The following KIF1B variants were observed in gnomAD, a reference collection of about 807,000 sequenced individuals.
KIF1B encodes kinesin-like protein KIF1B.
Under a neutral mutation model 241.9 loss-of-function variants are expected in KIF1B, and 76 were observed. That is an observed-to-expected ratio of 0.31 (90% CI 0.26 to 0.38). The LOEUF is 0.38. Ranked by LOEUF, KIF1B falls within the 10% of genes least tolerant of loss-of-function variation. The pLI is 1.00. For missense variants in KIF1B, 1,622 were observed against 2,271.4 expected (o/e 0.71, Z 5.81); for synonymous variants, 750 against 796.7 (o/e 0.94, Z 0.99).
intron 28 of KIF1B, among the ~76,000 whole-genome samples, chr1:10,335,141 T>A (rs763904551): frequency 1.3e-5 from 2 of 152,182 alleles, no homozygotes; most frequent in Non-Finnish European, 2.9e-5. Context: ...GGGGTCTCAT[T>A]ATGCTGCCCA....
intron 22 of KIF1B, among the ~76,000 whole-genome samples, chr1:10,309,023 G>C (rs1650955631): frequency 6.6e-6 from 1 of 152,258 alleles, no homozygotes; most frequent in South Asian, 2.1e-4. Flanking sequence ...TGACTCTGCA[G>C]GTTTTCTTTC....
At chr1:10,371,491 T>C (rs1638732894) in intron 45 of KIF1B, among the ~76,000 whole-genome samples, 1 of 152,214 alleles carries the variant, frequency 6.6e-6, no homozygotes, top group Non-Finnish European at 1.5e-5. Context: ...ATCATGACTG[T>C]CTTCTTCATC....
chr1:10,372,011 C>A (rs1638746883), intron 45 of KIF1B, among the ~76,000 whole-genome samples: 1 of 152,088 alleles, frequency 6.6e-6, no homozygotes, highest in Non-Finnish European at 1.5e-5. Flanking sequence ...TGCAACACAC[C>A]CTCTTGTGCA....
chr1:10,369,985 G>A (rs142896398), intron 44 of KIF1B, among the ~76,000 whole-genome samples: 2,633 of 151,858 alleles, frequency 0.017, 85 homozygotes, highest in African/African-American at 0.06. Flanking sequence ...CAGGCATGGC[G>A]GCTCATGCCT....
chr1:10,227,460 A>G (rs1417440382), intron 1 of KIF1B, among the ~76,000 whole-genome samples: 5 of 152,182 alleles, frequency 3.3e-5, no homozygotes, highest in Non-Finnish European at 1.5e-5. Context: ...TGTGTCATCT[A>G]AGTTGCTTCT....
intron 2 of KIF1B, among the ~76,000 whole-genome samples, chr1:10,250,034 C>T (rs936302896): frequency 9.2e-5 from 14 of 151,990 alleles, no homozygotes; most frequent in South Asian, 2.1e-4. Context: ...TAGTCTCGAA[C>T]GCGTAGGCTC....
chr1:10,320,557 T>G (rs1199692865), intron 23 of KIF1B, among the ~76,000 whole-genome samples: 2 of 152,218 alleles, frequency 1.3e-5, no homozygotes, highest in African/African-American at 4.8e-5. Flanking sequence ...ATCTTAGGTT[T>G]TCCAGCATTT....
At chr1:10,345,203 G>A (rs1318829333) in intron 34 of KIF1B, among the ~76,000 whole-genome samples, 1 of 152,164 alleles carries the variant, frequency 6.6e-6, no homozygotes, top group Admixed American at 6.5e-5. Flanking sequence ...GAAAATGTGT[G>A]ACATAAGATC....
intron 14 of KIF1B, among the ~76,000 whole-genome samples, chr1:10,282,013 G>A (rs1569693026): frequency 6.6e-6 from 1 of 152,328 alleles, no homozygotes; most frequent in East Asian, 1.9e-4. Context: ...TAGGGAGAGT[G>A]CCTAAGCAGT....
intron 27 of KIF1B, among the ~76,000 whole-genome samples, chr1:10,327,385 C>G (rs1651763941): frequency 6.6e-6 from 1 of 151,752 alleles, no homozygotes; most frequent in Non-Finnish European, 1.5e-5. Flanking sequence ...CCTGTAATCC[C>G]AGCTACTTGG....
intron 47 of KIF1B, 97 bp downstream of exon 47, chr1:10,375,143 C>T: frequency 1.3e-6 from 2 of 1,515,048 alleles, no homozygotes; most frequent in South Asian, 1.1e-5. Context: ...TCCCTATTCT[C>T]TCTGGTTTTG....
intron 3 of KIF1B, among the ~76,000 whole-genome samples, chr1:10,257,343 G>A (rs535687190): frequency 2.0e-5 from 3 of 151,414 alleles, no homozygotes; most frequent in African/African-American, 4.9e-5. Context: ...GCTTGGTGGC[G>A]GGTGCCTGTA....
intron 41 of KIF1B, among the ~76,000 whole-genome samples, chr1:10,364,200 C>CTTTTTTTTTTT (rs779967463): frequency 8.8e-6 from 1 of 113,864 alleles, no homozygotes; most frequent in African/African-American, 3.4e-5. Context: ...GGGACAGGAT[C>CTTTTTTTTTTT]TTTTTTTTTT....
rs1652830215 is a variant in KIF1B, at chr1:10,352,487, A to G, written c.3950-144A>G. 1.2e-5 allele frequency: 8 copies of G among 682,062 alleles called. No homozygotes were observed. The East Asian group carries it at 2.2e-4, about 18-fold the overall frequency. 42.3% of individuals were successfully genotyped at this position (682,062 alleles called of 1,614,324 possible). A position where few individuals can be genotyped will look rare whatever the true frequency, so the allele number is the denominator to read the frequency against. ...TCAATGTGGGAAGTAATGGAGTCAG[A>G]CCGTGGAGGACCCTACAGGTAACCA... is the stretch of plus-strand genomic sequence containing the variant. On this transcript the variant is annotated intron_variant, in intron 37 of 48. Coordinates refer to ENST00000676179, the MANE Select transcript of KIF1B (RefSeq NM_001365951.3).
intron 17 of KIF1B, among the ~76,000 whole-genome samples, chr1:10,293,968 CTCA>C (rs1450460162): frequency 4.6e-5 from 7 of 152,200 alleles, no homozygotes; most frequent in African/African-American, 7.2e-5. Flanking sequence ...AAGAATGCTA[CTCA>C]CAAAGGGCTT....
At position 10,348,715 on chromosome 1, in the gene KIF1B, G is replaced by A. The variant is rs1652678859; in HGVS notation, c.3931G>A (p.Val1311Ile). 1 of 1,613,758 alleles carries A rather than the reference G, an allele frequency of 6.2e-7. No individual in the cohort carries two copies. The highest frequency in any genetic ancestry group is 1.7e-5 in the Admixed American group (1 of 59,996). ...EKGSELHWKD[V>I]RELVVGRIRN... is the part of the protein sequence containing the mutation. The stretch of plus-strand genomic sequence containing the variant: ...GGGGAGCGAGCTCCATTGGAAAGAT[G>A]TTCGTGAACTGGTGGTAGGTGAGTA... Residue 1311 changes from valine to isoleucine, a missense_variant, in exon 37 of 49, where the codon GTT becomes ATT. Physicochemically the swap from Val to Ile is conservative, Grantham distance 29. Transcript: ENST00000676179.
chr1:10,320,157 G>T (rs754792280), intron 23 of KIF1B, 21 bp downstream of exon 23: 1 of 1,501,052 alleles, frequency 6.7e-7, no homozygotes, highest in Non-Finnish European at 9.3e-7. Flanking sequence ...GAGACCGAAA[G>T]TTTCCTGTGT....
At chr1:10,370,206 C>G (rs1638690413) in intron 44 of KIF1B, among the ~76,000 whole-genome samples, 1 of 152,194 alleles carries the variant, frequency 6.6e-6, no homozygotes, top group Non-Finnish European at 1.5e-5. Flanking sequence ...GCCAAGATCG[C>G]ACCACTGCAC....
At chr1:10,334,963 G>A (rs1246353640) in intron 28 of KIF1B, among the ~76,000 whole-genome samples, 1 of 149,432 alleles carries the variant, frequency 6.7e-6, no homozygotes, top group African/African-American at 2.5e-5. Flanking sequence ...TTTTGAGACA[G>A]GGTCTCACTT....
Sources: gnomAD v4.1 joint callset for allele counts (sites outside exome capture counted in the v4.1 genomes callset) on GRCh38, gnomAD v4.1.1 for gene constraint, MANE v1.5 for transcripts, NCBI Gene and HGNC (gene_info 2026-07-23, HGNC 2026-07-21) for gene names.